Variants in KCNH7 observed in about 807,000 individuals in gnomAD.
KCNH7 encodes potassium voltage-gated channel subfamily H member 7.
A neutral mutation model predicts 120.8 loss-of-function variants in KCNH7; 49 were observed. The ratio of observed to expected loss-of-function variants is 0.41; its 90% CI spans 0.32 to 0.51. KCNH7 has a LOEUF of 0.51. KCNH7 is among the 20% of genes least tolerant of loss of function. KCNH7 has a pLI of 0.38. For synonymous variants in KCNH7, 547 were observed against 516.1 expected, an observed-to-expected ratio of 1.06 and a Z score of -0.81; for missense variants, 1,097 against 1,446.6, an observed-to-expected ratio of 0.76 and a Z score of 3.92.
At chr2:162,505,778 A>G (rs1240980544) in intron 5 of KCNH7, among the ~76,000 whole-genome samples, 2 of 151,928 alleles carry the variant, frequency 1.3e-5, no homozygotes, top group Non-Finnish European at 2.9e-5. Context: ...TAGGCAGCAT[A>G]GTTGCCTTTG....
At chr2:162,505,565 C>T (rs2105756264) in intron 5 of KCNH7, among the ~76,000 whole-genome samples, 1 of 151,968 alleles carries the variant, frequency 6.6e-6, no homozygotes, top group South Asian at 2.1e-4. Context: ...GCTGTATCTT[C>T]CTTTGGGATG....
chr2:162,371,982 T>C lies in KCNH7; in HGVS notation c.3438A>G (p.Gln1146=), dbSNP rs1303548892. ...GAAGCTCTAAAGAGAGATCACTGTCTTGTTTTAAAAGTGAAGTCAAGTTGT... is the reference window on the plus strand; with the variant it reads ...GAAGCTCTAAAGAGAGATCACTGTCCTGTTTTAAAAGTGAAGTCAAGTTGT... The part of the protein sequence containing the change: ...SEDNLTSLLK[Q]DSDLSLELHL... Residue 1146 remains glutamine, a synonymous_variant, in exon 16 of 16, where the codon CAA becomes CAG. Coordinates refer to ENST00000332142, the MANE Select transcript of KCNH7 (RefSeq NM_033272.4). 1 of 1,613,762 alleles carries C rather than the reference T, an allele frequency of 6.2e-7. No homozygotes were observed. The highest frequency in any genetic ancestry group is 1.3e-5 in the African/African-American group (1 of 74,904).
At chr2:162,834,373 A>G (rs1337963155) in intron 2 of KCNH7, among the ~76,000 whole-genome samples, 1 of 152,044 alleles carries the variant, frequency 6.6e-6, no homozygotes, top group East Asian at 1.9e-4. Context: ...TGCTTGACCC[A>G]TTTTCTCATG....
intron 2 of KCNH7, among the ~76,000 whole-genome samples, chr2:162,733,074 G>A (rs1687780904): frequency 6.6e-6 from 1 of 152,146 alleles, no homozygotes; most frequent in African/African-American, 2.4e-5. Context: ...TACTACACAT[G>A]GTATTAGAGC....
At chr2:162,596,569 G>A (rs190299060) in intron 2 of KCNH7, among the ~76,000 whole-genome samples, 93 of 152,152 alleles carry the variant, frequency 6.1e-4, no homozygotes, top group Admixed American at 3.5e-3. Flanking sequence ...ATGAATTAAA[G>A]CCTTAAGTGT....
intron 2 of KCNH7, among the ~76,000 whole-genome samples, chr2:162,577,572 C>G (rs1477772377): frequency 6.6e-6 from 1 of 151,864 alleles, no homozygotes; most frequent in South Asian, 2.1e-4. Context: ...ACTTAGCTTC[C>G]CCATTCCTAT....
At chr2:162,771,184 AAT>A (rs1559125876) in intron 2 of KCNH7, among the ~76,000 whole-genome samples, 1 of 152,102 alleles carries the variant, frequency 6.6e-6, no homozygotes, top group Non-Finnish European at 1.5e-5. Flanking sequence ...GGCTCCTTGA[AAT>A]ATGTTATGGT....
At chr2:162,836,154 G>C (rs1279560915) in intron 2 of KCNH7, among the ~76,000 whole-genome samples, 1 of 152,152 alleles carries the variant, frequency 6.6e-6, no homozygotes. Context: ...AATTTGCTTT[G>C]TGGAGTATTT....
intron 2 of KCNH7, among the ~76,000 whole-genome samples, chr2:162,747,017 A>G (rs907690415): frequency 3.3e-5 from 5 of 152,172 alleles, no homozygotes; most frequent in African/African-American, 1.2e-4. Flanking sequence ...CAAAGAAGAA[A>G]AAAAGTATGA....
At chr2:162,544,545 T>C (rs1431342763) in intron 2 of KCNH7, among the ~76,000 whole-genome samples, 1 of 152,160 alleles carries the variant, frequency 6.6e-6, no homozygotes, top group Non-Finnish European at 1.5e-5. Flanking sequence ...GTGCCCTTTC[T>C]GTTTTGGGAC....
chr2:162,549,285 G>T (rs1313603891), intron 2 of KCNH7, among the ~76,000 whole-genome samples: 3 of 152,182 alleles, frequency 2.0e-5, no homozygotes, highest in Non-Finnish European at 4.4e-5. Flanking sequence ...TGCTCCTCTG[G>T]CTTTACCCAT....
intron 4 of KCNH7, among the ~76,000 whole-genome samples, chr2:162,516,780 GAA>G (rs1691311518): frequency 6.6e-6 from 1 of 151,714 alleles, no homozygotes; most frequent in Non-Finnish European, 1.5e-5. Flanking sequence ...AGTGAGGGAG[GAA>G]AAAGATTGCA....
intron 2 of KCNH7, among the ~76,000 whole-genome samples, chr2:162,831,215 G>A (rs1405681682): frequency 6.6e-6 from 1 of 151,960 alleles, no homozygotes; most frequent in East Asian, 1.9e-4. Context: ...TTTATGAGAT[G>A]GTTGTACCCA....
chr2:162,491,083 G>A (rs986686496), intron 6 of KCNH7, among the ~76,000 whole-genome samples: 5 of 152,168 alleles, frequency 3.3e-5, no homozygotes, highest in South Asian at 2.1e-4. Context: ...AGGCAATCTC[G>A]GGGGCCAAGG....
chr2:162,768,353 G>C (rs940229797), intron 2 of KCNH7, among the ~76,000 whole-genome samples: 1 of 151,710 alleles, frequency 6.6e-6, no homozygotes, highest in Admixed American at 6.6e-5. Context: ...TTTATAAATT[G>C]TGCCTTTATG....
At chr2:162,699,023 G>A (rs1282001319) in intron 2 of KCNH7, among the ~76,000 whole-genome samples, 1 of 151,886 alleles carries the variant, frequency 6.6e-6, no homozygotes, top group African/African-American at 2.4e-5. Flanking sequence ...ATTATAAATG[G>A]CTAAATTGAG....
chr2:162,547,846 CGT>C (rs1559007950), intron 2 of KCNH7, among the ~76,000 whole-genome samples: 1 of 152,114 alleles, frequency 6.6e-6, no homozygotes, highest in Non-Finnish European at 1.5e-5. Context: ...CAGGAAAAGG[CGT>C]GTTTTAAGAC....
intron 6 of KCNH7, among the ~76,000 whole-genome samples, chr2:162,451,116 C>A (rs1237041307): frequency 1.3e-5 from 2 of 151,918 alleles, no homozygotes; most frequent in Admixed American, 1.3e-4. Context: ...TCTGATATGC[C>A]ATTTAATCTC....
At chr2:162,594,615 T>A (rs1389705159) in intron 2 of KCNH7, among the ~76,000 whole-genome samples, 2 of 152,046 alleles carry the variant, frequency 1.3e-5, no homozygotes, top group African/African-American at 4.8e-5. Flanking sequence ...TTAAGTAAAC[T>A]GTATATTATA....
Sources: gnomAD v4.1 joint callset for allele counts (sites outside exome capture counted in the v4.1 genomes callset) on GRCh38, gnomAD v4.1.1 for gene constraint, MANE v1.5 for transcripts, NCBI Gene and HGNC (gene_info 2026-07-23, HGNC 2026-07-21) for gene names.